Variants in CHGB observed in about 807,000 individuals in gnomAD.
CHGB encodes the protein chromogranin B.
In CHGB, 46 loss-of-function variants were observed where a neutral mutation model predicts 69.9. That is an observed-to-expected ratio of 0.66 (90% CI 0.52 to 0.84). CHGB has a LOEUF of 0.84. Among genes scored for constraint, CHGB ranks in the 40% least tolerant of loss-of-function variants. The pLI is 0.00. For missense variants in CHGB, 796 were observed against 822.2 expected (o/e 0.97, Z 0.39); for synonymous variants, 312 against 298.2 (o/e 1.05, Z -0.48).
In CHGB at chr20:5,911,523, C is replaced by G. The variant is rs1177778859; in HGVS notation, c.-111C>G. ...GCCGGCCGCGCCACACCGCGGGGAC[C>G]AGGAGGCACGCTGGTTTTCCGGGGC... On this transcript the variant is annotated 5_prime_UTR_variant, in exon 1 of 5. Coordinates refer to ENST00000378961, the MANE Select transcript of CHGB (RefSeq NM_001819.3). 8.4e-7 allele frequency: 1 copy of G among 1,187,478 alleles called. No homozygotes were observed. The highest frequency in any genetic ancestry group is 1.2e-6 in the Non-Finnish European group (1 of 849,236). 73.6% of individuals were successfully genotyped at this position (1,187,478 alleles called of 1,614,324 possible). A position where few individuals can be genotyped will look rare whatever the true frequency, so the allele number is the denominator to read the frequency against.
At chr20:5,919,841 C>A (rs1382792767) in intron 3 of CHGB, among the ~76,000 whole-genome samples, 1 of 152,216 alleles carries the variant, frequency 6.6e-6, no homozygotes, top group Non-Finnish European at 1.5e-5. Context: ...TCCACTCCCA[C>A]TCCTACTTGC....
rs1344839280 is a variant in CHGB, at chr20:5,924,480, TC to T, written c.1956+381del. ...AACGTTAACAACTGCTGTTCTGGTA[TC>T]TTCCCCTTGGTCCTCTTATTGTTCA... On this transcript the variant is annotated intron_variant, in intron 4 of 4. Transcript: ENST00000378961. Among the ~76,000 whole-genome samples, 7 of 152,222 alleles carry T rather than the reference TC, an allele frequency of 4.6e-5. 1 individual carries two copies. Among genetic ancestry groups the T allele is most frequent in the Admixed American group, 4.6e-4 (7 of 15,276 alleles).
chr20:5,913,595 T>C (rs1227939122), intron 1 of CHGB, among the ~76,000 whole-genome samples: 1 of 151,146 alleles, frequency 6.6e-6, no homozygotes, highest in Non-Finnish European at 1.5e-5. Context: ...GTAAAATGGT[T>C]TCTTTATCTT....
intron 1 of CHGB, chr20:5,914,541 T>A (rs1268073058): frequency 6.6e-6 from 1 of 152,246 alleles, no homozygotes; most frequent in Non-Finnish European, 1.5e-5. Flanking sequence ...AGCAAGAAAC[T>A]GCATTATCAA....
intron 1 of CHGB, chr20:5,916,044 A>T: frequency 3.4e-6 from 1 of 294,816 alleles, no homozygotes; most frequent in Non-Finnish European, 6.2e-6. Context: ...AATAAAATAT[A>T]TAGAAAATGG....
chr20:5,925,094 G>T lies in CHGB; in HGVS notation c.*45G>T. 1.5e-6 allele frequency: 2 copies of T among 1,374,364 alleles called. No homozygotes were observed. Among genetic ancestry groups the T allele is most frequent in the South Asian group, 1.2e-5 (1 of 81,716 alleles). 85.1% of individuals were successfully genotyped at this position (1,374,364 alleles called of 1,614,324 possible). A position where few individuals can be genotyped will look rare whatever the true frequency, so the allele number is the denominator to read the frequency against. On this transcript the variant is annotated 3_prime_UTR_variant, in exon 5 of 5. Coordinates refer to ENST00000378961, the MANE Select transcript of CHGB (RefSeq NM_001819.3). ...CACTGTTAAGAAGCAGCCATCACAT[G>T]ATCTGTTTTTCACCACTTCACTGAA...
rs773512156 is a variant in CHGB, at chr20:5,923,453, G to C, written c.1309G>C (p.Glu437Gln). The change falls in exon 4 of 5, where the codon GAG becomes CAG. Residue 437 changes from glutamate (E) to glutamine (Q), a missense_variant. This residue lies in a region of CHGB where 274 missense variants were observed against 298.9 expected (regional missense o/e 0.92). Coordinates refer to ENST00000378961, the MANE Select transcript of CHGB (RefSeq NM_001819.3). ...RAYFMSDTRE[E>Q]KRFLGEGHHR... is the part of the protein sequence containing the mutation. ...CTATTTCATGTCTGACACCAGAGAAGAGAAAAGGTTCTTGGGTGAAGGACA... is the reference window on the plus strand; with the variant it reads ...CTATTTCATGTCTGACACCAGAGAACAGAAAAGGTTCTTGGGTGAAGGACA... 5 of 1,614,166 alleles carry C rather than the reference G, an allele frequency of 3.1e-6. No homozygotes were observed. In the East Asian group the frequency reaches 1.1e-4, roughly 36 times the overall value.
intron 1 of CHGB, among the ~76,000 whole-genome samples, chr20:5,915,028 C>T (rs908794460): frequency 2.6e-5 from 4 of 152,198 alleles, no homozygotes; most frequent in Non-Finnish European, 4.4e-5. Flanking sequence ...TGTCTGAGAA[C>T]TTGCCCCAGC....
chr20:5,923,833 C>T lies in CHGB; in HGVS notation c.1689C>T (p.Phe563=), dbSNP rs770704159. 2.0e-5 allele frequency: 33 copies of T among 1,614,034 alleles called. No homozygotes were observed. The highest frequency in any genetic ancestry group is 4.2e-6 in the Non-Finnish European group (5 of 1,180,034). ...NELTLNEKNF[F]PEYNYDWWEK... ...TGACCTTGAACGAGAAGAATTTCTT[C>T]CCAGAATACAACTATGACTGGTGGG... is the stretch of plus-strand genomic sequence containing the variant. Residue 563 remains phenylalanine, a synonymous_variant, in exon 4 of 5, where the codon TTC becomes TTT. Coordinates refer to ENST00000378961, the MANE Select transcript of CHGB (RefSeq NM_001819.3).
chr20:5,923,196 T>A lies in CHGB; in HGVS notation c.1052T>A (p.Val351Asp). 6.2e-7 allele frequency: 1 copy of A among 1,613,642 alleles called. No homozygotes were observed. Among genetic ancestry groups the A allele is most frequent in the Non-Finnish European group, 8.5e-7 (1 of 1,179,786 alleles). ...GAAGAAATAAAGGGTTATCCAGGCG[T>A]CCAGGCCCCTGAGGACCTGGAGTGG... ...YGEEIKGYPG[V>D]QAPEDLEWER... Residue 351 changes from valine (V) to aspartate (D), a missense_variant, in exon 4 of 5, where the codon GTC becomes GAC. Physicochemically the swap from Val to Asp is radical, Grantham distance 152 (BLOSUM62 -3). This residue lies in a region of CHGB where 518 missense variants were observed against 506.3 expected (regional missense o/e 1.02). Transcript: ENST00000378961.
chr20:5,916,701 C>G, intron 2 of CHGB, 125 bp from the exon 3 acceptor site: 1 of 837,620 alleles, frequency 1.2e-6, no homozygotes, highest in Non-Finnish European at 2.0e-6. Context: ...TCTGTATCTC[C>G]GCCCTAAGAA....
chr20:5,912,644 A>ATGTG (rs4053232), intron 1 of CHGB, among the ~76,000 whole-genome samples: 1 of 151,494 alleles, frequency 6.6e-6, no homozygotes, highest in Non-Finnish European at 1.5e-5. Flanking sequence ...GTGTGTGTGC[A>ATGTG]TGTGTGTGTG....
At chr20:5,914,293 A>G (rs2088463308) in intron 1 of CHGB, among the ~76,000 whole-genome samples, 1 of 152,156 alleles carries the variant, frequency 6.6e-6, no homozygotes, top group Admixed American at 6.6e-5. Flanking sequence ...TCTCACCAAG[A>G]TGTATAATGT....
At chr20:5,916,425 C>T in intron 2 of CHGB, 53 bp downstream of exon 2, 1 of 1,449,076 alleles carries the variant, frequency 6.9e-7, no homozygotes, top group Non-Finnish European at 9.7e-7. Flanking sequence ...ACTCTAGATT[C>T]TCCCAGTCCC....
Position 5,923,917 on chromosome 20 carries a change from G to A in CHGB, c.1773G>A (p.Arg591=). ...NWGYEKRNLA[R]VPKLDLKRQY... ...GGTATGAGAAGAGAAACCTCGCCAGGGTCCCCAAGCTGGACCTGAAAAGGC... is the reference window on the plus strand; with the variant it reads ...GGTATGAGAAGAGAAACCTCGCCAGAGTCCCCAAGCTGGACCTGAAAAGGC... Residue 591 remains arginine (R), a synonymous_variant, in exon 4 of 5, where the codon AGG becomes AGA. Coordinates refer to ENST00000378961, the MANE Select transcript of CHGB (RefSeq NM_001819.3). The A allele has an allele frequency of 6.2e-7, 1 of 1,614,118 alleles. No homozygotes were observed. Among genetic ancestry groups the A allele is most frequent in the Non-Finnish European group, 8.5e-7 (1 of 1,180,012 alleles).
At chr20:5,921,732 A>G (rs2088515024) in intron 3 of CHGB, among the ~76,000 whole-genome samples, 1 of 152,200 alleles carries the variant, frequency 6.6e-6, no homozygotes, top group Non-Finnish European at 1.5e-5. Flanking sequence ...ACCAGCTACT[A>G]AGTTATATAT....
chr20:5,911,511 C>A lies in CHGB; in HGVS notation c.-123C>A. On this transcript the variant is annotated 5_prime_UTR_variant, in exon 1 of 5. Coordinates refer to ENST00000378961, the MANE Select transcript of CHGB (RefSeq NM_001819.3). ...AGCGGGGCCTGCGCCGGCCGCGCCA[C>A]ACCGCGGGGACCAGGAGGCACGCTG... 5.6e-6 allele frequency: 6 copies of A among 1,070,706 alleles called. No homozygotes were observed. Among genetic ancestry groups the A allele is most frequent in the Non-Finnish European group, 8.0e-6 (6 of 753,294 alleles). 66.3% of individuals were successfully genotyped at this position (1,070,706 alleles called of 1,614,324 possible).
intron 2 of CHGB, 133 bp downstream of exon 2, chr20:5,916,505 G>C: frequency 1.2e-6 from 1 of 808,870 alleles, no homozygotes; most frequent in Non-Finnish European, 2.0e-6. Flanking sequence ...GACAGAATGT[G>C]AGCAAGGGAT....
chr20:5,916,918 G>A lies in CHGB; in HGVS notation c.189G>A (p.Thr63=), dbSNP rs555276987. 9.3e-6 allele frequency: 15 copies of A among 1,614,064 alleles called. No individual in the cohort carries two copies. Among genetic ancestry groups the A allele is most frequent in the South Asian group, 3.3e-5 (3 of 91,074 alleles). ...ITPECRQVLK[T]SRKDVKDKET... The stretch of plus-strand genomic sequence containing the variant: ...CTGAGTGCCGCCAAGTCCTGAAGAC[G>A]AGTAAGTGTCCCACACGGCAGGCAG... Residue 63 remains threonine, a splice_region_variant and synonymous_variant, in exon 3 of 5, where the codon ACG becomes ACA. Coordinates refer to ENST00000378961, the MANE Select transcript of CHGB (RefSeq NM_001819.3).
Sources: allele counts gnomAD v4.1 joint callset (sites outside exome capture counted in the v4.1 genomes callset), GRCh38; gene constraint gnomAD v4.1.1; regional missense constraint gnomAD v4.1.1; transcripts MANE v1.5; gene names NCBI Gene and HGNC (gene_info 2026-07-23, HGNC 2026-07-21).